PRDM5: variants seen among roughly 807,000 people sequenced by gnomAD.
The protein encoded by PRDM5 is PR/SET domain 5.
In PRDM5, 56 loss-of-function variants were observed where a neutral mutation model predicts 81.2. The ratio of observed to expected loss-of-function variants is 0.69; its 90% CI spans 0.56 to 0.86. PRDM5 has a LOEUF of 0.86. PRDM5 is among the 40% of genes least tolerant of loss of function. The pLI, the probability that PRDM5 is intolerant of heterozygous loss-of-function variation, is 0.00. For missense variants in PRDM5, 697 were observed against 770.1 expected (o/e 0.91, Z 1.12); for synonymous variants, 267 against 256.4 (o/e 1.04, Z -0.39).
At chr4:120,718,258 C>T (rs1030756765) in intron 14 of PRDM5, among the ~76,000 whole-genome samples, 1 of 152,122 alleles carries the variant, frequency 6.6e-6, no homozygotes, top group Non-Finnish European at 1.5e-5. Flanking sequence ...TTTAGAGAAG[C>T]TTATCAAAGA....
chr4:120,918,854 A>G (rs544551370), intron 1 of PRDM5, among the ~76,000 whole-genome samples: 32 of 152,198 alleles, frequency 2.1e-4, no homozygotes, highest in African/African-American at 7.7e-4. Flanking sequence ...TGCCAATTAG[A>G]TGATGTCTGT....
intron 8 of PRDM5, among the ~76,000 whole-genome samples, chr4:120,805,536 T>G (rs553995575): frequency 1.4e-3 from 210 of 152,258 alleles, no homozygotes; most frequent in African/African-American, 4.8e-3. Context: ...GGGATGCAAG[T>G]CTGGTTCAAC....
chr4:120,905,747 C>A (rs1214843614), intron 2 of PRDM5, among the ~76,000 whole-genome samples: 1 of 152,078 alleles, frequency 6.6e-6, no homozygotes, highest in African/African-American at 2.4e-5. Context: ...CTGATACATG[C>A]AAGAGAGACT....
intron 10 of PRDM5, among the ~76,000 whole-genome samples, chr4:120,787,113 TAAC>T (rs2149254246): frequency 6.6e-6 from 1 of 152,222 alleles, no homozygotes; most frequent in South Asian, 2.1e-4. Flanking sequence ...AGAAAGAAGA[TAAC>T]AAACATTTCA....
intron 1 of PRDM5, among the ~76,000 whole-genome samples, chr4:120,921,987 G>A (rs1474233266): frequency 1.3e-5 from 2 of 152,252 alleles, no homozygotes; most frequent in African/African-American, 4.8e-5. Context: ...GTATGAATGA[G>A]ATTCTACGGC....
At chr4:120,870,114 AAGGGAAGACGGAGGAGACAGAGGAAGGG>A (rs1423970739) in intron 2 of PRDM5, among the ~76,000 whole-genome samples, 2 of 152,050 alleles carry the variant, frequency 1.3e-5, no homozygotes, top group African/African-American at 2.4e-5. Flanking sequence ...ACGAGGAAGG[AAGGGAAGACGGAGGAGACAGAGGAAGGG>A]AGGGAGAGGC....
intron 3 of PRDM5, among the ~76,000 whole-genome samples, chr4:120,847,754 A>G (rs1758820586): frequency 6.6e-6 from 1 of 152,190 alleles, no homozygotes; most frequent in Non-Finnish European, 1.5e-5. Flanking sequence ...TCTGCAAATA[A>G]CTCAAAAGTC....
At chr4:120,773,318 A>C (rs1747571149) in intron 13 of PRDM5, among the ~76,000 whole-genome samples, 1 of 152,210 alleles carries the variant, frequency 6.6e-6, no homozygotes, top group African/African-American at 2.4e-5. Context: ...AATTGTTAGG[A>C]AATATAGGAA....
chr4:120,757,649 G>A (rs545848234), intron 13 of PRDM5, among the ~76,000 whole-genome samples: 20 of 152,170 alleles, frequency 1.3e-4, no homozygotes, highest in Middle Eastern at 6.8e-3. Flanking sequence ...TTGAGGACCC[G>A]GATAGAACAA....
chr4:120,920,804 ATTAAAG>A (rs1342944195), intron 1 of PRDM5, among the ~76,000 whole-genome samples: 2 of 152,244 alleles, frequency 1.3e-5, no homozygotes, highest in Non-Finnish European at 2.9e-5. Flanking sequence ...TGTTTTATTT[ATTAAAG>A]TTAAACTGGC....
At chr4:120,891,623 G>C (rs1032788839) in intron 2 of PRDM5, among the ~76,000 whole-genome samples, 3 of 152,032 alleles carry the variant, frequency 2.0e-5, no homozygotes, top group South Asian at 4.1e-4. Context: ...TGTGATGTTA[G>C]GTTGTTCATT....
At chr4:120,701,146 A>C (rs1198550895) in intron 15 of PRDM5, among the ~76,000 whole-genome samples, 1 of 143,268 alleles carries the variant, frequency 7.0e-6, no homozygotes, top group African/African-American at 2.9e-5. Context: ...ACAAAAAACA[A>C]ACAAAAAAAA....
chr4:120,746,642 T>C (rs1007754352), intron 14 of PRDM5, among the ~76,000 whole-genome samples: 3 of 145,400 alleles, frequency 2.1e-5, no homozygotes, highest in Non-Finnish European at 4.5e-5. Context: ...CAGACACTTC[T>C]CAAAAGAAGA....
At chr4:120,792,412 CATAAG>C (rs2149267184) in intron 10 of PRDM5, among the ~76,000 whole-genome samples, 1 of 152,282 alleles carries the variant, frequency 6.6e-6, no homozygotes, top group East Asian at 1.9e-4. Context: ...AAGTTATTTT[CATAAG>C]ATATCTACTA....
At chr4:120,797,034 T>C (rs1019290974) in intron 10 of PRDM5, among the ~76,000 whole-genome samples, 1 of 152,166 alleles carries the variant, frequency 6.6e-6, no homozygotes, top group African/African-American at 2.4e-5. Flanking sequence ...TCAAGCATGA[T>C]GTATTATCTA....
intron 11 of PRDM5, among the ~76,000 whole-genome samples, chr4:120,781,718 T>C (rs1749064136): frequency 6.6e-6 from 1 of 152,104 alleles, no homozygotes; most frequent in African/African-American, 2.4e-5. Context: ...TATAACCTCC[T>C]GTGAATAGAT....
chr4:120,734,093 C>T (rs1366732478), intron 14 of PRDM5, among the ~76,000 whole-genome samples: 1 of 152,044 alleles, frequency 6.6e-6, no homozygotes, highest in African/African-American at 2.4e-5. Flanking sequence ...ATGGTCCAAA[C>T]TGGCTGAGGC....
chr4:120,820,242 G>C (rs1755085774), intron 4 of PRDM5, among the ~76,000 whole-genome samples: 1 of 152,154 alleles, frequency 6.6e-6, no homozygotes, highest in East Asian at 1.9e-4. Flanking sequence ...TGTCCCTTCT[G>C]TCACATGAGG....
intron 14 of PRDM5, among the ~76,000 whole-genome samples, chr4:120,743,842 C>T (rs750221090): frequency 2.3e-4 from 34 of 147,726 alleles, no homozygotes; most frequent in Non-Finnish European, 4.3e-4. Flanking sequence ...GAGACTTTAA[C>T]ACCCCACTGT....
Sources: gnomAD v4.1 joint callset for allele counts (sites outside exome capture counted in the v4.1 genomes callset) on GRCh38, gnomAD v4.1.1 for gene constraint, MANE v1.5 for transcripts, NCBI Gene and HGNC (gene_info 2026-07-23, HGNC 2026-07-21) for gene names.